The following CNNM2 variants were observed in gnomAD, a reference collection of about 807,000 sequenced individuals.
CNNM2 encodes metal transporter CNNM2.
In CNNM2, 12 loss-of-function variants were observed where a neutral mutation model predicts 66.9. That is an observed-to-expected ratio of 0.18 (90% confidence interval 0.11 to 0.29). The LOEUF (loss-of-function observed/expected upper bound fraction) is 0.29, where lower values mean the gene tolerates loss of function less well. CNNM2 is among the 10% of genes least tolerant of loss of function. The pLI is 1.00. For synonymous variants in CNNM2, 557 were observed against 501.8 expected (o/e 1.11, Z -1.47); for missense variants, 705 against 1,167.7 (o/e 0.60, Z 5.77).
chr10:102,942,828 A>G (rs1354128826), intron 1 of CNNM2, among the ~76,000 whole-genome samples: 1 of 152,250 alleles, frequency 6.6e-6, no homozygotes, highest in South Asian at 2.1e-4. Flanking sequence ...TGATGTTGCC[A>G]GTAGAGTTAC....
At chr10:103,075,951 A>G in intron 6 of CNNM2, 135 bp from the exon 7 acceptor site, 2 of 788,980 alleles carry the variant, frequency 2.5e-6, no homozygotes, top group Non-Finnish European at 4.0e-6. Context: ...CCTCTGGCAT[A>G]CTGTGCGGCC....
intron 1 of CNNM2, among the ~76,000 whole-genome samples, chr10:103,034,088 G>T (rs892829776): frequency 6.6e-6 from 1 of 151,732 alleles, no homozygotes; most frequent in Non-Finnish European, 1.5e-5. Flanking sequence ...AATTTATCTA[G>T]ATGATTAATT....
In CNNM2 at chr10:102,938,992, A is replaced by G. The variant is rs114520291; in HGVS notation, c.1621+18891A>G. 3.1e-3 allele frequency among the ~76,000 whole-genome samples: 478 copies of G among 152,298 alleles called. 3 individuals carry two copies. Among genetic ancestry groups the G allele is most frequent in the African/African-American group, 0.011 (461 of 41,572 alleles). Reference sequence around the variant, plus strand: ...ACAAGCAGACAAAGGCCCTTAGTTGATTTAAGCTGATTTATCTCACATTAC... The same window carrying G: ...ACAAGCAGACAAAGGCCCTTAGTTGGTTTAAGCTGATTTATCTCACATTAC... On this transcript the variant is annotated intron_variant, in intron 1 of 7. Transcript: ENST00000369878.
intron 1 of CNNM2, among the ~76,000 whole-genome samples, chr10:102,955,768 G>T (rs1847011348): frequency 6.6e-6 from 1 of 152,174 alleles, no homozygotes; most frequent in Non-Finnish European, 1.5e-5. Flanking sequence ...ACAGACACAT[G>T]AAAAAATGCT....
intron 1 of CNNM2, among the ~76,000 whole-genome samples, chr10:102,979,490 G>T (rs1292948946): frequency 6.6e-6 from 1 of 152,088 alleles, no homozygotes; most frequent in Non-Finnish European, 1.5e-5. Flanking sequence ...ATGTAAAATA[G>T]CCTATTCTTT....
chr10:103,031,989 G>T (rs1456633173), intron 1 of CNNM2, among the ~76,000 whole-genome samples: 3 of 152,340 alleles, frequency 2.0e-5, no homozygotes, highest in Admixed American at 6.5e-5. Context: ...TGATGCACGA[G>T]CATGAAGCCA....
intron 2 of CNNM2, among the ~76,000 whole-genome samples, chr10:103,050,142 T>TA (rs1326971435): frequency 2.6e-5 from 4 of 152,198 alleles, no homozygotes; most frequent in East Asian, 3.8e-4. Flanking sequence ...TTTACATATG[T>TA]AAAAAAATCT....
intron 6 of CNNM2, among the ~76,000 whole-genome samples, chr10:103,073,515 TG>T (rs1384879718): frequency 6.6e-6 from 1 of 152,128 alleles, no homozygotes; most frequent in Non-Finnish European, 1.5e-5. Context: ...TGCAAAACCT[TG>T]GTCATGGGGT....
At chr10:103,069,115 C>T (rs1382363181) in intron 5 of CNNM2, among the ~76,000 whole-genome samples, 4 of 152,140 alleles carry the variant, frequency 2.6e-5, no homozygotes, top group Admixed American at 1.3e-4. Context: ...TTCTCTGTGT[C>T]GTGCTTGTCA....
rs764334606 is a variant in CNNM2, at chr10:103,054,301, T to C, written c.1766-28T>C. On this transcript the variant is annotated intron_variant, in intron 2 of 7. Coordinates refer to ENST00000369878, the MANE Select transcript of CNNM2 (RefSeq NM_017649.5). This position sits in a 1 kb window ranked among gnomAD's most constrained non-coding sequence, Gnocchi z 5.2. ...TCATCTCATGGGATGCATTTCTTTT[T>C]TTTTCTCTCTTTTAATTCCTCCCTT... is the stretch of plus-strand genomic sequence containing the variant. 1.2e-6 allele frequency: 2 copies of C among 1,608,660 alleles called. No homozygotes were observed. Among genetic ancestry groups the C allele is most frequent in the Non-Finnish European group, 1.7e-6 (2 of 1,177,808 alleles).
Position 103,082,989 on chromosome 10 carries a change from A to G in CNNM2, c.*5809A>G, listed in dbSNP as rs1177480645. ...GATTGCATAATCCATCTTTCTGGAT[A>G]ATGGAAGCTGCCTGCCTATCTGGGC... On this transcript the variant is annotated 3_prime_UTR_variant, in exon 8 of 8. Coordinates refer to ENST00000369878, the MANE Select transcript of CNNM2 (RefSeq NM_017649.5). 1 of 152,296 alleles carries G rather than the reference A, an allele frequency of 6.6e-6. No homozygotes were observed. Among genetic ancestry groups the G allele is most frequent in the East Asian group, 1.9e-4 (1 of 5,188 alleles). 9.4% of individuals were successfully genotyped at this position (152,296 alleles called of 1,614,324 possible).
At position 102,918,997 on chromosome 10, in the gene CNNM2, A is replaced by C; in HGVS notation, c.517A>C (p.Ile173Leu). 1 of 1,612,824 alleles carries C rather than the reference A, an allele frequency of 6.2e-7. No homozygotes were observed. Among genetic ancestry groups the C allele is most frequent in the Non-Finnish European group, 8.5e-7 (1 of 1,179,508 alleles). ...TCTCAACCGCCGCACCTCGGGCATC[A>C]TCGAGATCGAGATCAAACCGCTACG... ...IILNRRTSGI[I>L]EIEIKPLRKM... The change falls in exon 1 of 8, where the codon ATC becomes CTC. Residue 173 changes from isoleucine to leucine, a missense_variant. This residue lies in a region of CNNM2 where 100 missense variants were observed against 151.9 expected (regional missense o/e 0.66). Transcript: ENST00000369878. This position sits in a 1 kb window ranked among gnomAD's most constrained non-coding sequence, Gnocchi z 4.1.
chr10:103,031,203 T>C (rs1042048349), intron 1 of CNNM2, among the ~76,000 whole-genome samples: 2 of 152,326 alleles, frequency 1.3e-5, no homozygotes, highest in South Asian at 4.2e-4. Context: ...TTTACATGTT[T>C]ATGTGTATTT....
At chr10:103,073,949 G>A (rs930335252) in intron 6 of CNNM2, among the ~76,000 whole-genome samples, 7 of 149,524 alleles carry the variant, frequency 4.7e-5, no homozygotes, top group Non-Finnish European at 7.4e-5. Context: ...TGTCAGATAA[G>A]CACTTTGTAC....
intron 1 of CNNM2, among the ~76,000 whole-genome samples, chr10:102,941,924 A>G (rs1380332638): frequency 6.6e-6 from 1 of 152,178 alleles, no homozygotes; most frequent in Non-Finnish European, 1.5e-5. Flanking sequence ...TTGTTGAATG[A>G]TTGAACTGAA....
At chr10:102,931,476 G>A (rs1340080837) in intron 1 of CNNM2, among the ~76,000 whole-genome samples, 1 of 150,374 alleles carries the variant, frequency 6.7e-6, no homozygotes, top group Non-Finnish European at 1.5e-5. Flanking sequence ...TCCTGCCTCA[G>A]CCTCCCAGGT....
intron 4 of CNNM2, among the ~76,000 whole-genome samples, chr10:103,065,454 T>C (rs879778007): frequency 1.3e-5 from 2 of 152,176 alleles, no homozygotes; most frequent in African/African-American, 4.8e-5. Flanking sequence ...AAGAGACAGA[T>C]GGTGTGAACC....
chr10:102,983,335 T>A (rs2063746038), intron 1 of CNNM2, among the ~76,000 whole-genome samples: 1 of 147,658 alleles, frequency 6.8e-6, no homozygotes. Flanking sequence ...ATATTTATAT[T>A]TTTATATATA....
chr10:103,035,919 G>A (rs574978981), intron 1 of CNNM2, among the ~76,000 whole-genome samples: 7 of 152,238 alleles, frequency 4.6e-5, no homozygotes, highest in South Asian at 4.2e-4. Flanking sequence ...TGTTGTCACC[G>A]GGAAGTTCAT....
Sources: allele counts gnomAD v4.1 joint callset (sites outside exome capture counted in the v4.1 genomes callset), GRCh38; gene constraint gnomAD v4.1.1; regional missense constraint gnomAD v4.1.1; non-coding constraint Gnocchi (gnomAD v3.1); transcripts MANE v1.5; gene names NCBI Gene and HGNC (gene_info 2026-07-23, HGNC 2026-07-21).